Variants in ITM2B observed in about 807,000 individuals in gnomAD.
ITM2B encodes the protein integral membrane protein 2B.
A neutral mutation model predicts 27.8 loss-of-function variants in ITM2B; 11 were observed. The observed-to-expected ratio is 0.40, with a 90% CI of 0.25 to 0.66. The LOEUF (loss-of-function observed/expected upper bound fraction) is 0.66, where lower values mean the gene tolerates loss of function less well. ITM2B is among the 30% of genes least tolerant of loss of function. ITM2B has a pLI of 0.43. For synonymous variants in ITM2B, 114 were observed against 114.3 expected, an observed-to-expected ratio of 1.00 and a Z score of 0.02; for missense variants, 296 against 328.9, an observed-to-expected ratio of 0.90 and a Z score of 0.77.
chr13:48,248,583 A>T (rs1951736431), intron 1 of ITM2B, among the ~76,000 whole-genome samples: 1 of 152,190 alleles, frequency 6.6e-6, no homozygotes, highest in African/African-American at 2.4e-5. Context: ...TAGGAATGGA[A>T]TTGCTAGGTC....
Position 48,264,782 on chromosome 13 carries a change from C to G in ITM2B, c.*3558C>G, listed in dbSNP as rs1410875407. 6.6e-6 allele frequency: 1 copy of G among 152,156 alleles called. No homozygotes were observed. Among genetic ancestry groups the G allele is most frequent in the African/African-American group, 2.4e-5 (1 of 41,428 alleles). The allele number at this position is 152,156 out of a possible 1,614,324, so 9.4% of individuals were successfully genotyped here. A position where few individuals can be genotyped will look rare whatever the true frequency, so the allele number is the denominator to read the frequency against. On this transcript the variant is annotated 3_prime_UTR_variant, in exon 6 of 6. Transcript: ENST00000647800. ...ATTGCTAGCGTTCTTCTTTCTGAGT[C>G]TTTGTGGCTAATGCTTTTTTGAGGA...
At position 48,233,298 on chromosome 13, in the gene ITM2B, C is replaced by T; in HGVS notation, c.-63C>T. The T allele has an allele frequency of 2.7e-6, 3 of 1,092,532 alleles. No individual in the cohort carries two copies. Among genetic ancestry groups the T allele is most frequent in the Admixed American group, 2.4e-5 (1 of 42,010 alleles). The allele number at this position is 1,092,532 out of a possible 1,614,324, so 67.7% of individuals were successfully genotyped here. On this transcript the variant is annotated 5_prime_UTR_variant, in exon 1 of 6. Transcript: ENST00000647800. The stretch of plus-strand genomic sequence containing the variant: ...CGGCCGTAGAGGCTGCAATCGCAGC[C>T]GGGAGCCCGCAGCCCGCGCCCCGAG...
rs1285606291 is a variant in ITM2B at position 48,256,239 on chromosome 13, C to T, written c.309C>T (p.Pro103=). The change falls in exon 3 of 6, where the codon CCC becomes CCT. Residue 103 remains proline (P), a synonymous_variant. Coordinates refer to ENST00000647800, the MANE Select transcript of ITM2B (RefSeq NM_021999.5). ...YIKDDVILNE[P]SADAPAALYQ... ...AAGATGATGTCATCTTAAATGAGCC[C>T]TCTGCAGATGCCCCAGCTGCTCTCT... 1 of 1,613,316 alleles carries T rather than the reference C, an allele frequency of 6.2e-7. No individual in the cohort carries two copies. The highest frequency in any genetic ancestry group is 8.5e-7 in the Non-Finnish European group (1 of 1,179,348).
chr13:48,266,579 G>A lies in ITM2B; in HGVS notation c.*5355G>A, dbSNP rs977384994. 5.9e-5 allele frequency: 9 copies of A among 152,228 alleles called. No individual in the cohort carries two copies. The highest frequency in any genetic ancestry group is 1.9e-4 in the African/African-American group (8 of 41,544). The allele number at this position is 152,228 out of a possible 1,614,324, so 9.4% of individuals were successfully genotyped here. On this transcript the variant is annotated 3_prime_UTR_variant, in exon 6 of 6. Transcript: ENST00000647800. Reference sequence around the variant, plus strand: ...CTGGTAACTATAGCTAGAAAAAAAGGAAATACGGTATCTACTTCACTAAAA... The same window carrying A: ...CTGGTAACTATAGCTAGAAAAAAAGAAAATACGGTATCTACTTCACTAAAA...
chr13:48,261,144 C>G lies in ITM2B; in HGVS notation c.721C>G (p.Gln241Glu), dbSNP rs1167266743. 1.2e-6 allele frequency: 2 copies of G among 1,611,248 alleles called. No homozygotes were observed. The highest frequency in any genetic ancestry group is 2.2e-5 in the East Asian group (1 of 44,774). Reference sequence around the variant, plus strand: ...CTTTTTTCCCTCTCCAACAGGTATTCAGAAACGTGAAGCCAGCAATTGTTT... The same window carrying G: ...CTTTTTTCCCTCTCCAACAGGTATTGAGAAACGTGAAGCCAGCAATTGTTT... ...LQRRETIKGIQKREASNCFAI... is the reference protein window; with the variant it reads ...LQRRETIKGIEKREASNCFAI... The change falls in exon 6 of 6, where the codon CAG (glutamine) becomes GAG (glutamate). Residue 241 changes from glutamine (Q) to glutamate (E), a missense_variant. By Grantham distance (29) the Gln-to-Glu change is conservative (BLOSUM62 2). Coordinates refer to ENST00000647800, the MANE Select transcript of ITM2B (RefSeq NM_021999.5).
rs1298020892 is a variant in ITM2B at position 48,258,674 on chromosome 13, A to T, written c.565-123A>T. On this transcript the variant is annotated intron_variant, in intron 4 of 5. Coordinates refer to ENST00000647800, the MANE Select transcript of ITM2B (RefSeq NM_021999.5). The stretch of plus-strand genomic sequence containing the variant: ...ACATAGTGAGAACATAAACAAACAG[A>T]TGGTGGGTAGTAGTTTGGCAACCTG... The T allele has an allele frequency of 3.5e-6, 3 of 852,690 alleles. No individual in the cohort carries two copies. In the East Asian group the frequency reaches 7.5e-5, roughly 21 times the overall value. 52.8% of individuals were successfully genotyped at this position (852,690 alleles called of 1,614,324 possible). A position where few individuals can be genotyped will look rare whatever the true frequency, so the allele number is the denominator to read the frequency against.
At chr13:48,243,265 AT>A (rs1280342814) in intron 1 of ITM2B, among the ~76,000 whole-genome samples, 1 of 152,162 alleles carries the variant, frequency 6.6e-6, no homozygotes, top group Admixed American at 6.5e-5. Flanking sequence ...AAAAAGTTTC[AT>A]TTTTGTAATT....
In ITM2B at chr13:48,268,310, T is replaced by TA. The variant is rs1951864685; in HGVS notation, c.*7086_*7087insA. ...TGCTTTTTAAATTTATTTTTTATTT[T>TA]TTTTTTTTTGAGACAGAGTCTGGCT... On this transcript the variant is annotated 3_prime_UTR_variant, in exon 6 of 6. Transcript: ENST00000647800. 3 of 151,602 alleles carry TA rather than the reference T, an allele frequency of 2.0e-5. No homozygotes were observed. Among genetic ancestry groups the TA allele is most frequent in the African/African-American group, 7.3e-5 (3 of 41,242 alleles). 9.4% of individuals were successfully genotyped at this position (151,602 alleles called of 1,614,324 possible).
intron 1 of ITM2B, among the ~76,000 whole-genome samples, chr13:48,246,344 TC>T (rs1951724651): frequency 1.3e-5 from 2 of 152,300 alleles, no homozygotes; most frequent in East Asian, 3.9e-4. Context: ...CACGTGGACT[TC>T]CTCACTACAG....
At chr13:48,252,466 A>G (rs544996634) in intron 1 of ITM2B, among the ~76,000 whole-genome samples, 1 of 152,254 alleles carries the variant, frequency 6.6e-6, no homozygotes, top group East Asian at 1.9e-4. Flanking sequence ...TGAACTGTGC[A>G]TGTTAGGGAT....
chr13:48,236,727 A>G (rs1042802754), intron 1 of ITM2B, among the ~76,000 whole-genome samples: 1 of 152,200 alleles, frequency 6.6e-6, no homozygotes, highest in African/African-American at 2.4e-5. Flanking sequence ...TTTACCTCAC[A>G]GTGAACAGTG....
At chr13:48,238,818 AATT>A (rs201827491) in intron 1 of ITM2B, among the ~76,000 whole-genome samples, 1,990 of 152,268 alleles carry the variant, frequency 0.013, 35 homozygotes, top group African/African-American at 0.039. Flanking sequence ...TTAAGGCTCA[AATT>A]ATTATTTTTT....
chr13:48,252,010 T>C (rs1951758688), intron 1 of ITM2B, among the ~76,000 whole-genome samples: 1 of 152,238 alleles, frequency 6.6e-6, no homozygotes, highest in Admixed American at 6.5e-5. Context: ...TGCAATACGC[T>C]CATTGTCTTT....
At chr13:48,256,419 G>C (rs74074156) in intron 3 of ITM2B, 36 bp downstream of exon 3, 24 of 1,437,074 alleles carry the variant, frequency 1.7e-5, no homozygotes, top group Admixed American at 5.0e-5. Context: ...AAAGAATGCA[G>C]GTTCTGTAGT....
At position 48,269,989 on chromosome 13, in the gene ITM2B, T is replaced by C. The variant is rs1338371801; in HGVS notation, c.*8765T>C. ...AAGCTTTCCCTTGGCTTCCCTTCTT[T>C]TCTCACAGAGGCTTTTCCAGAAGGT... On this transcript the variant is annotated 3_prime_UTR_variant, in exon 6 of 6. Coordinates refer to ENST00000647800, the MANE Select transcript of ITM2B (RefSeq NM_021999.5). 6.6e-6 allele frequency: 1 copy of C among 152,270 alleles called. No individual in the cohort carries two copies. The highest frequency in any genetic ancestry group is 1.5e-5 in the Non-Finnish European group (1 of 68,084). 9.4% of individuals were successfully genotyped at this position (152,270 alleles called of 1,614,324 possible). A position where few individuals can be genotyped will look rare whatever the true frequency, so the allele number is the denominator to read the frequency against.
intron 1 of ITM2B, among the ~76,000 whole-genome samples, chr13:48,237,701 T>G (rs1951676585): frequency 6.6e-6 from 1 of 152,362 alleles, no homozygotes; most frequent in Admixed American, 6.5e-5. Flanking sequence ...TGGGTAAATG[T>G]ACATAGAAAC....
At position 48,258,855 on chromosome 13, in the gene ITM2B, G is replaced by T; in HGVS notation, c.623G>T (p.Arg208Leu). The change falls in exon 5 of 6, where the codon CGC (arginine) becomes CTC (leucine). Residue 208 changes from arginine (R) to leucine (L), a missense_variant. Physicochemically the swap from Arg to Leu is moderately radical, Grantham distance 102. Transcript: ENST00000647800. ...CATGAGCACATGGTTATTACTGATC[G>T]CATTGAAAACATTGATCACCTGGGT... ...LIHEHMVITD[R>L]IENIDHLGFF... is the part of the protein sequence containing the mutation. 6.2e-7 allele frequency: 1 copy of T among 1,613,040 alleles called. No individual in the cohort carries two copies. The highest frequency in any genetic ancestry group is 8.5e-7 in the Non-Finnish European group (1 of 1,179,054).
intron 3 of ITM2B, 38 bp from the exon 4 acceptor site, chr13:48,258,088 A>G: frequency 6.2e-6 from 6 of 960,758 alleles, no homozygotes; most frequent in Non-Finnish European, 1.0e-5. Flanking sequence ...TGTTTTTGCA[A>G]GTATTACTGT....
chr13:48,236,005 A>AT (rs1001430531), intron 1 of ITM2B, among the ~76,000 whole-genome samples: 6 of 151,988 alleles, frequency 3.9e-5, no homozygotes, highest in African/African-American at 9.7e-5. Flanking sequence ...CTGTCTTTCT[A>AT]TTTTTTTCTT....
Sources: allele counts gnomAD v4.1 joint callset (sites outside exome capture counted in the v4.1 genomes callset), GRCh38; gene constraint gnomAD v4.1.1; transcripts MANE v1.5; gene names NCBI Gene and HGNC (gene_info 2026-07-23, HGNC 2026-07-21).